The following MYBL1 variants were observed in gnomAD, a reference collection of about 807,000 sequenced individuals.
MYBL1 encodes the protein myb-related protein A.
In MYBL1, 17 loss-of-function variants were observed where a neutral mutation model predicts 96.3. The ratio of observed to expected loss-of-function variants is 0.18; its 90% CI spans 0.12 to 0.26. The LOEUF (loss-of-function observed/expected upper bound fraction) is 0.26. Among genes scored for constraint, MYBL1 ranks in the 10% least tolerant of loss-of-function variants. The probability of loss-of-function intolerance (pLI) is 1.00; values close to 1 mark genes in which losing one functional copy is unlikely to be tolerated. For synonymous variants in MYBL1, 282 were observed against 292.7 expected (o/e 0.96, Z 0.37); for missense variants, 701 against 882.9 (o/e 0.79, Z 2.61).
chr8:66,585,158 T>C (rs56742359), intron 8 of MYBL1, among the ~76,000 whole-genome samples: 15,915 of 151,998 alleles, frequency 0.1, 1,867 homozygotes, highest in African/African-American at 0.28. Flanking sequence ...ATATTCTATA[T>C]AGAGCTGTAG....
At chr8:66,589,039 C>T (rs1809532548) in intron 8 of MYBL1, among the ~76,000 whole-genome samples, 1 of 152,080 alleles carries the variant, frequency 6.6e-6, no homozygotes, top group Admixed American at 6.5e-5. Flanking sequence ...TAAAAAAATG[C>T]TTCATATGGG....
At chr8:66,574,547 C>G (rs1808859373) in intron 10 of MYBL1, among the ~76,000 whole-genome samples, 1 of 152,164 alleles carries the variant, frequency 6.6e-6, no homozygotes, top group African/African-American at 2.4e-5. Flanking sequence ...TCCCCAGCCT[C>G]AAAATATACC....
At chr8:66,579,876 C>A (rs1809128647) in intron 9 of MYBL1, among the ~76,000 whole-genome samples, 1 of 151,954 alleles carries the variant, frequency 6.6e-6, no homozygotes. Context: ...TCTCTAGTTT[C>A]CAGCTTTCTC....
intron 9 of MYBL1, among the ~76,000 whole-genome samples, chr8:66,577,029 C>G (rs933493545): frequency 3.9e-5 from 6 of 151,938 alleles, no homozygotes; most frequent in South Asian, 4.2e-4. Flanking sequence ...ATTCAACAAC[C>G]CTTCATGCTA....
chr8:66,595,856 G>T, intron 5 of MYBL1, 99 bp from the exon 6 acceptor site: 1 of 616,334 alleles, frequency 1.6e-6, no homozygotes, highest in Non-Finnish European at 2.6e-6. Context: ...TTTTTACACT[G>T]ATGAAATTAG....
At chr8:66,600,213 C>T (rs1460302050) in intron 3 of MYBL1, among the ~76,000 whole-genome samples, 8 of 152,108 alleles carry the variant, frequency 5.3e-5, no homozygotes, top group Admixed American at 3.9e-4. Context: ...GATAATGACA[C>T]CTAACACTTT....
intron 8 of MYBL1, among the ~76,000 whole-genome samples, chr8:66,586,507 AC>A (rs1462926439): frequency 6.6e-6 from 1 of 152,212 alleles, no homozygotes; most frequent in African/African-American, 2.4e-5. Context: ...TGTCAGAATG[AC>A]TATTATCAAA....
At position 66,607,699 on chromosome 8, in the gene MYBL1, CAA is replaced by C. The variant is rs542129633; in HGVS notation, c.20+5118_20+5119del. Among the ~76,000 whole-genome samples, 358 of 117,826 alleles carry C rather than the reference CAA, an allele frequency of 3.0e-3. 2 individuals are homozygous for C. Among genetic ancestry groups the C allele is most frequent in the African/African-American group, 9.6e-3 (332 of 34,702 alleles). 77.3% of individuals were successfully genotyped at this position (117,826 alleles called of 152,430 possible). A position where few individuals can be genotyped will look rare whatever the true frequency, so the allele number is the denominator to read the frequency against. On this transcript the variant is annotated intron_variant, in intron 1 of 15. Coordinates refer to ENST00000522677, the MANE Select transcript of MYBL1 (RefSeq NM_001080416.4). ...TTTGTTAAAGAAGACTTTCAAAACC[CAA>C]AAAAAAAAAAAAACACCTCCAAGTG...
chr8:66,593,509 A>G (rs1809733682), intron 6 of MYBL1, among the ~76,000 whole-genome samples: 1 of 152,160 alleles, frequency 6.6e-6, no homozygotes, highest in African/African-American at 2.4e-5. Context: ...AACATCTACT[A>G]TTAGAAGGGT....
At chr8:66,591,143 T>A (rs1809625497) in intron 8 of MYBL1, among the ~76,000 whole-genome samples, 3 of 151,944 alleles carry the variant, frequency 2.0e-5, no homozygotes. Flanking sequence ...GGTCAGGAGA[T>A]CGAGATCATC....
At chr8:66,584,601 G>C (rs1455382647) in intron 8 of MYBL1, among the ~76,000 whole-genome samples, 1 of 152,268 alleles carries the variant, frequency 6.6e-6, no homozygotes, top group African/African-American at 2.4e-5. Context: ...GCTCACGCCT[G>C]TAATATCAGC....
intron 8 of MYBL1, among the ~76,000 whole-genome samples, chr8:66,588,271 G>A (rs1809498424): frequency 6.8e-6 from 1 of 147,972 alleles, no homozygotes; most frequent in Non-Finnish European, 1.5e-5. Flanking sequence ...ACCTAAATGT[G>A]AATCTCTTTT....
chr8:66,603,403 T>A (rs576242984), intron 1 of MYBL1, among the ~76,000 whole-genome samples: 7 of 151,398 alleles, frequency 4.6e-5, no homozygotes, highest in Admixed American at 2.6e-4. Flanking sequence ...ATAAAAAAAA[T>A]TTAACATACA....
At chr8:66,591,413 T>C (rs1380765373) in intron 8 of MYBL1, among the ~76,000 whole-genome samples, 1 of 152,160 alleles carries the variant, frequency 6.6e-6, no homozygotes, top group African/African-American at 2.4e-5. Flanking sequence ...AACTTGTATC[T>C]TTCTTTTAAC....
rs148159776 is a variant in MYBL1 at position 66,598,779 on chromosome 8, A to G, written c.291+271T>C. ...CCCTAATAGTTGTGAAACTGAGCTCAAAACAAGGTAACTAACCTTACAGCA... is the reference window on the plus strand; with the variant it reads ...CCCTAATAGTTGTGAAACTGAGCTCGAAACAAGGTAACTAACCTTACAGCA... On this transcript the variant is annotated intron_variant, in intron 4 of 15. Coordinates refer to ENST00000522677, the MANE Select transcript of MYBL1 (RefSeq NM_001080416.4). Among the ~76,000 whole-genome samples the G allele has an allele frequency of 7.9e-5, 12 of 152,350 alleles. No homozygotes were observed. The East Asian group carries it at 2.3e-3, about 29-fold the overall frequency.
rs1428379390 is a variant in MYBL1, at chr8:66,578,790, T to C, written c.1101+1343A>G. Among the ~76,000 whole-genome samples, 8 of 152,228 alleles carry C rather than the reference T, an allele frequency of 5.3e-5. No individual in the cohort carries two copies. In the South Asian group the frequency reaches 6.2e-4, roughly 12 times the overall value. On this transcript the variant is annotated intron_variant, in intron 9 of 15. Coordinates refer to ENST00000522677, the MANE Select transcript of MYBL1 (RefSeq NM_001080416.4). ...AAAGACACATGCACACATATGTTTA[T>C]TGAGGCACTATTCACAATAGCAAAG... is the stretch of plus-strand genomic sequence containing the variant.
chr8:66,585,498 T>C (rs1809380742), intron 8 of MYBL1, among the ~76,000 whole-genome samples: 1 of 152,154 alleles, frequency 6.6e-6, no homozygotes, highest in African/African-American at 2.4e-5. Flanking sequence ...CCCAGCACTT[T>C]GGGAGGCCGA....
Position 66,601,782 on chromosome 8 carries a change from T to A in MYBL1, c.127-13A>T. ...TTAATTTATCATCCTATTAAAACAG[T>A]ACAAAAATTAGAAAGCTTTCCCCCC... is the stretch of plus-strand genomic sequence containing the variant. On this transcript the variant is annotated splice_polypyrimidine_tract_variant and intron_variant, in intron 2 of 15. Coordinates refer to ENST00000522677, the MANE Select transcript of MYBL1 (RefSeq NM_001080416.4). The A allele has an allele frequency of 7.0e-7, 1 of 1,422,310 alleles. No individual in the cohort carries two copies. Among genetic ancestry groups the A allele is most frequent in the Non-Finnish European group, 9.6e-7 (1 of 1,040,314 alleles). The allele number at this position is 1,422,310 out of a possible 1,614,324, so 88.1% of individuals were successfully genotyped here.
At chr8:66,610,756 G>C (rs1271717741) in intron 1 of MYBL1, among the ~76,000 whole-genome samples, 1 of 152,012 alleles carries the variant, frequency 6.6e-6, no homozygotes, top group Non-Finnish European at 1.5e-5. Flanking sequence ...ATTTACGTGG[G>C]CAAGAAATGT....
Sources: gnomAD v4.1 joint callset for allele counts (sites outside exome capture counted in the v4.1 genomes callset) on GRCh38, gnomAD v4.1.1 for gene constraint, MANE v1.5 for transcripts, NCBI Gene and HGNC (gene_info 2026-07-23, HGNC 2026-07-21) for gene names.